Variants in G3BP2 observed in about 807,000 individuals in gnomAD.
The protein encoded by G3BP2 is G3BP stress granule assembly factor 2.
A neutral mutation model predicts 56.7 loss-of-function variants in G3BP2; 11 were observed. The ratio of observed to expected loss-of-function variants is 0.19; its 90% confidence interval spans 0.12 to 0.32. G3BP2 has a LOEUF of 0.32. G3BP2 is among the 10% of genes least tolerant of loss of function. The pLI is 1.00. For synonymous variants in G3BP2, 165 were observed against 191.6 expected, an observed-to-expected ratio of 0.86 and a Z score of 1.15; for missense variants, 340 against 610.9, an observed-to-expected ratio of 0.56 and a Z score of 4.67.
At chr4:75,683,567 A>T (rs1422513682) in intron 3 of G3BP2, among the ~76,000 whole-genome samples, 2 of 144,722 alleles carry the variant, frequency 1.4e-5, no homozygotes, top group Non-Finnish European at 3.1e-5. Flanking sequence ...CATCTCAATT[A>T]AAAAAAAAAA....
chr4:75,646,707 A>G (rs1233091777), intron 10 of G3BP2, among the ~76,000 whole-genome samples: 5 of 152,166 alleles, frequency 3.3e-5, no homozygotes, highest in African/African-American at 7.2e-5. Flanking sequence ...AGTTAACTGC[A>G]TAATTTTGGA....
rs2149049944 is a variant in G3BP2 at position 75,673,220 on chromosome 4, G to A, written c.-37C>T. 2 of 1,207,688 alleles carry A rather than the reference G, an allele frequency of 1.7e-6. No homozygotes were observed. The highest frequency in any genetic ancestry group is 3.4e-5 in the East Asian group (1 of 29,752). The allele number at this position is 1,207,688 out of a possible 1,614,324, so 74.8% of individuals were successfully genotyped here. On this transcript the variant is annotated 5_prime_UTR_variant, in exon 1 of 12. Coordinates refer to ENST00000359707, the MANE Select transcript of G3BP2 (RefSeq NM_203505.3). ...CGCCCGTACACACCTCCAGCCAACGGCGGCGGCGGGTACGTCGCGCGGAGG... is the reference window on the plus strand; with the variant it reads ...CGCCCGTACACACCTCCAGCCAACGACGGCGGCGGGTACGTCGCGCGGAGG...
intron 1 of G3BP2, among the ~76,000 whole-genome samples, chr4:75,668,069 C>A (rs553693516): frequency 6.6e-6 from 1 of 152,224 alleles, no homozygotes; most frequent in East Asian, 1.9e-4. Flanking sequence ...TCAGCTCTCA[C>A]GGAAAATTGC....
intron 3 of G3BP2, among the ~76,000 whole-genome samples, chr4:75,698,807 T>C (rs1175494639): frequency 6.6e-6 from 1 of 152,128 alleles, no homozygotes; most frequent in Non-Finnish European, 1.5e-5. Context: ...GCAATTCTCC[T>C]ACCTCAGCCA....
At chr4:75,650,426 CAAAAAAAA>C (rs1220235661) in intron 8 of G3BP2, among the ~76,000 whole-genome samples, 1 of 76,772 alleles carries the variant, frequency 1.3e-5, no homozygotes, top group Admixed American at 1.4e-4. Flanking sequence ...AACTCCATCT[CAAAAAAAA>C]AAAAAAAAAA....
At chr4:75,677,907 G>A (rs898191139), upstream of G3BP2, among the ~76,000 whole-genome samples, 1 of 152,194 alleles carries the variant, frequency 6.6e-6, no homozygotes, top group Non-Finnish European at 1.5e-5. Flanking sequence ...ACTAGGTCAT[G>A]AGGGCCTCAC....
chr4:75,654,866 A>C (rs558999073), intron 7 of G3BP2, 200 bp downstream of exon 7: 2 of 551,288 alleles, frequency 3.6e-6, no homozygotes, highest in South Asian at 5.2e-5. Context: ...TTAAGTTATA[A>C]GTTTCACTCT....
chr4:75,685,407 A>G (rs952637297), intron 3 of G3BP2, among the ~76,000 whole-genome samples: 1 of 151,496 alleles, frequency 6.6e-6, no homozygotes, highest in Non-Finnish European at 1.5e-5. Flanking sequence ...AGGCTGAGGC[A>G]GAAGAATCAC....
chr4:75,678,125 AC>A (rs921906689), upstream of G3BP2, among the ~76,000 whole-genome samples: 5 of 152,180 alleles, frequency 3.3e-5, no homozygotes, highest in African/African-American at 1.2e-4. Context: ...TTTATAAGTT[AC>A]CCAGTTGAAG....
intron 5 of G3BP2, among the ~76,000 whole-genome samples, chr4:75,656,433 A>G (rs1449928758): frequency 2.6e-5 from 4 of 152,204 alleles, no homozygotes; most frequent in South Asian, 2.1e-4. Context: ...GAAAAAAGTT[A>G]TATTAAAGCC....
At chr4:75,699,640 T>A (rs1214919927) in intron 3 of G3BP2, among the ~76,000 whole-genome samples, 1 of 152,262 alleles carries the variant, frequency 6.6e-6, no homozygotes, top group Admixed American at 6.5e-5. Context: ...AATTCATTTA[T>A]GAACCATAAC....
chr4:75,688,504 G>A (rs548391176), intron 3 of G3BP2, among the ~76,000 whole-genome samples: 47 of 152,276 alleles, frequency 3.1e-4, no homozygotes, highest in Non-Finnish European at 5.1e-4. Flanking sequence ...AGTTGGCCTC[G>A]ATCAAAGATA....
intron 1 of G3BP2, among the ~76,000 whole-genome samples, chr4:75,672,045 G>A (rs1221382192): frequency 1.3e-5 from 2 of 152,196 alleles, no homozygotes; most frequent in Non-Finnish European, 2.9e-5. Flanking sequence ...TGAAAGACCA[G>A]AACAAGGTAC....
chr4:75,670,891 A>G (rs1288490978), intron 1 of G3BP2, among the ~76,000 whole-genome samples: 1 of 152,238 alleles, frequency 6.6e-6, no homozygotes, highest in Admixed American at 6.5e-5. Flanking sequence ...AATTAATTTT[A>G]AACAAGCAAT....
At chr4:75,659,047 C>A in intron 2 of G3BP2, 123 bp from the exon 3 acceptor site, 1 of 756,844 alleles carries the variant, frequency 1.3e-6, no homozygotes, top group Non-Finnish European at 2.3e-6. Flanking sequence ...TGATCTTGGA[C>A]AGGTAAGTTA....
intron 2 of G3BP2, among the ~76,000 whole-genome samples, chr4:75,721,183 C>T (rs987259244): frequency 1.2e-4 from 18 of 151,666 alleles, no homozygotes; most frequent in Non-Finnish European, 7.4e-5. Flanking sequence ...TCAGGTGATC[C>T]GTCCACCTCA....
intron 3 of G3BP2, among the ~76,000 whole-genome samples, chr4:75,692,818 C>T (rs1362620071): frequency 6.6e-6 from 1 of 152,152 alleles, no homozygotes; most frequent in Admixed American, 6.5e-5. Context: ...TGTCAAGCAA[C>T]ATGGAGGGTC....
chr4:75,654,974 C>T (rs1016100501), intron 7 of G3BP2, 92 bp downstream of exon 7: 1 of 796,784 alleles, frequency 1.3e-6, no homozygotes, highest in Non-Finnish European at 2.0e-6. Flanking sequence ...ATTTACTAAA[C>T]AATTTAACAT....
At position 75,644,973 on chromosome 4, in the gene G3BP2, A is replaced by G. The variant is rs921795496; in HGVS notation, c.*457T>C. The G allele has an allele frequency of 2.3e-5, 4 of 170,996 alleles. No individual in the cohort carries two copies. The highest frequency in any genetic ancestry group is 3.7e-5 in the Non-Finnish European group (3 of 80,620). 10.6% of individuals were successfully genotyped at this position (170,996 alleles called of 1,614,324 possible). A position where few individuals can be genotyped will look rare whatever the true frequency, so the allele number is the denominator to read the frequency against. On this transcript the variant is annotated 3_prime_UTR_variant, in exon 12 of 12. Transcript: ENST00000359707. ...CCCATTAGTACATTTTGATGAGTGC[A>G]TAACAAGTTTCTGTTGGTTTGTATT...
Sources: allele counts gnomAD v4.1 joint callset (sites outside exome capture counted in the v4.1 genomes callset), GRCh38; gene constraint gnomAD v4.1.1; transcripts MANE v1.5; gene names NCBI Gene and HGNC (gene_info 2026-07-23, HGNC 2026-07-21).